CNNM1: variants seen among roughly 807,000 people sequenced by gnomAD.
CNNM1 encodes metal transporter CNNM1.
Under a neutral mutation model 78.8 loss-of-function variants are expected in CNNM1, and 44 were observed. The observed-to-expected ratio is 0.56, with a 90% CI of 0.44 to 0.72. CNNM1 has a LOEUF of 0.72. Ranked by LOEUF, CNNM1 falls within the 30% of genes least tolerant of loss-of-function variation. The pLI is 0.00. For synonymous variants in CNNM1, 584 were observed against 581.5 expected, an observed-to-expected ratio of 1.00 and a Z score of -0.06; for missense variants, 1,101 against 1,292.2, an observed-to-expected ratio of 0.85 and a Z score of 2.27.
At chr10:99,388,392 C>G in intron 9 of CNNM1, 91 bp downstream of exon 9, 2 of 1,454,630 alleles carry the variant, frequency 1.4e-6, no homozygotes, top group Non-Finnish European at 1.8e-6. Context: ...GAGGGGAGCC[C>G]TGGGACCGCA....
At chr10:99,356,265 C>T (rs1290595023) in intron 1 of CNNM1, among the ~76,000 whole-genome samples, 1 of 151,992 alleles carries the variant, frequency 6.6e-6, no homozygotes, top group African/African-American at 2.4e-5. Flanking sequence ...ACCATGAGGT[C>T]AAGAGATCGA....
chr10:99,388,447 G>A (rs2134084510), intron 9 of CNNM1, 146 bp downstream of exon 9: 1 of 923,328 alleles, frequency 1.1e-6, no homozygotes, highest in Middle Eastern at 3.5e-4. Context: ...CCAGGGAAAG[G>A]AAACATTTAC....
chr10:99,334,722 T>G (rs550262067), intron 1 of CNNM1, among the ~76,000 whole-genome samples: 4 of 152,296 alleles, frequency 2.6e-5, no homozygotes, highest in Admixed American at 6.5e-5. Flanking sequence ...TTTTCCTTAC[T>G]TCCTTGCTTC....
At chr10:99,377,372 T>TA in intron 7 of CNNM1, 154 bp downstream of exon 7, 1 of 678,072 alleles carries the variant, frequency 1.5e-6, no homozygotes. Flanking sequence ...ACTGGCTGTA[T>TA]AAAGGCTGTT....
chr10:99,341,230 G>A (rs2030445779), intron 1 of CNNM1, among the ~76,000 whole-genome samples: 3 of 152,068 alleles, frequency 2.0e-5, no homozygotes, highest in African/African-American at 7.3e-5. Flanking sequence ...AAGGCCCTGA[G>A]GAAGGAGGGC....
At chr10:99,348,285 G>C (rs1186836848) in intron 1 of CNNM1, among the ~76,000 whole-genome samples, 1 of 151,954 alleles carries the variant, frequency 6.6e-6, no homozygotes, top group Non-Finnish European at 1.5e-5. Context: ...GGCCCAAGCA[G>C]TCCTCCTGCC....
intron 1 of CNNM1, among the ~76,000 whole-genome samples, chr10:99,336,292 A>G (rs2030184328): frequency 6.6e-6 from 1 of 152,206 alleles, no homozygotes; most frequent in African/African-American, 2.4e-5. Context: ...TTGTGTTACA[A>G]TTACCTACAG....
At chr10:99,356,609 G>GAAAGAAAGAAAGAAAGAAAGA (rs2031219339) in intron 1 of CNNM1, among the ~76,000 whole-genome samples, 3 of 132,554 alleles carry the variant, frequency 2.3e-5, no homozygotes, top group Non-Finnish European at 1.6e-5. Context: ...AGAAAGAAAA[G>GAAAGAAAGAAAGAAAGAAAGA]AAAGAAAGAA....
rs1287330068 is a variant in CNNM1 at position 99,330,268 on chromosome 10, A to G, written c.881A>G (p.Asn294Ser). 1.9e-6 allele frequency: 3 copies of G among 1,561,498 alleles called. No homozygotes were observed. The highest frequency in any genetic ancestry group is 2.6e-6 in the Non-Finnish European group (3 of 1,153,922). ...CTLLLGQAGA[N>S]AALAGWLYTS... is the part of the protein sequence containing the mutation. ...CTACTCCTGGGCCAAGCCGGAGCCA[A>G]CGCGGCCCTGGCTGGCTGGCTGTAC... Residue 294 changes from asparagine to serine, a missense_variant, in exon 1 of 11, where the codon AAC (asparagine) becomes AGC (serine). Physicochemically the swap from Asn to Ser is conservative, Grantham distance 46 (BLOSUM62 1). Coordinates refer to ENST00000356713, the MANE Select transcript of CNNM1 (RefSeq NM_020348.3).
At chr10:99,390,848 C>T (rs1391788848) in intron 10 of CNNM1, among the ~76,000 whole-genome samples, 1 of 152,224 alleles carries the variant, frequency 6.6e-6, no homozygotes, top group Admixed American at 6.5e-5. Flanking sequence ...AGAGCAATCT[C>T]CTCCACAGAT....
At chr10:99,357,429 A>G in intron 1 of CNNM1, 83 bp from the exon 2 acceptor site, 1 of 1,432,456 alleles carries the variant, frequency 7.0e-7, no homozygotes, top group South Asian at 1.4e-5. Flanking sequence ...TTGGTCAGAC[A>G]GCAACTTTGT....
chr10:99,356,504 G>A lies in CNNM1; in HGVS notation c.1574-1008G>A, dbSNP rs10883334. The stretch of plus-strand genomic sequence containing the variant: ...AGAAAGAAAGAGAGAGAGAGAGAGA[G>A]AGAGAGAAAGAGAAAGAGAGAAAGA... On this transcript the variant is annotated intron_variant, in intron 1 of 10. Coordinates refer to ENST00000356713, the MANE Select transcript of CNNM1 (RefSeq NM_020348.3). 1.3e-3 allele frequency among the ~76,000 whole-genome samples: 117 copies of A among 92,968 alleles called. 1 individual carries two copies. The highest frequency in any genetic ancestry group is 9.2e-3 in the East Asian group (23 of 2,512). 61.0% of individuals were successfully genotyped at this position (92,968 alleles called of 152,430 possible).
rs751775737 is a variant in CNNM1 at position 99,364,469 on chromosome 10, C to G, written c.2081C>G (p.Ala694Gly). 1.9e-6 allele frequency: 3 copies of G among 1,612,610 alleles called. No homozygotes were observed. Among genetic ancestry groups the G allele is most frequent in the Non-Finnish European group, 2.5e-6 (3 of 1,179,454 alleles). ...GAAGGCCTTCGCTTTGAAAATGGAGCCTTTACTTACTATGGCGTCCCAGCC... is the reference window on the plus strand; with the variant it reads ...GAAGGCCTTCGCTTTGAAAATGGAGGCTTTACTTACTATGGCGTCCCAGCC... ...GKEGLRFENG[A>G]FTYYGVPAIM... Residue 694 changes from alanine to glycine, a missense_variant, in exon 5 of 11, where the codon GCC becomes GGC. Around this residue, in one of 3 missense-constraint regions of CNNM1, gnomAD observed 348 missense variants for 384.5 expected, o/e 0.90. Transcript: ENST00000356713.
At chr10:99,372,951 G>A (rs1417904985) in intron 6 of CNNM1, among the ~76,000 whole-genome samples, 4 of 151,808 alleles carry the variant, frequency 2.6e-5, no homozygotes, top group Non-Finnish European at 4.4e-5. Flanking sequence ...CAATAACATT[G>A]TTTTTACTTT....
intron 2 of CNNM1, among the ~76,000 whole-genome samples, chr10:99,359,659 G>T (rs2031357682): frequency 6.6e-6 from 1 of 152,156 alleles, no homozygotes; most frequent in African/African-American, 2.4e-5. Context: ...GCCCCAAAAG[G>T]AGAGGGGGCA....
intron 6 of CNNM1, among the ~76,000 whole-genome samples, chr10:99,374,285 G>A (rs1360217672): frequency 6.6e-6 from 1 of 152,158 alleles, no homozygotes; most frequent in African/African-American, 2.4e-5. Flanking sequence ...AGTCACTCTG[G>A]AGAAGGGTCT....
intron 9 of CNNM1, among the ~76,000 whole-genome samples, chr10:99,388,621 T>C (rs573424570): frequency 6.6e-6 from 1 of 152,238 alleles, no homozygotes; most frequent in African/African-American, 2.4e-5. Flanking sequence ...CAGTTTTTTT[T>C]ATCTGAATGG....
At chr10:99,361,391 GA>G (rs58454278) in intron 3 of CNNM1, among the ~76,000 whole-genome samples, 2 of 151,672 alleles carry the variant, frequency 1.3e-5, no homozygotes, top group South Asian at 2.1e-4. Flanking sequence ...TCTTTAGAAA[GA>G]AAAAAAAGTG....
At chr10:99,363,100 G>A (rs2031495006) in intron 4 of CNNM1, among the ~76,000 whole-genome samples, 2 of 152,188 alleles carry the variant, frequency 1.3e-5, no homozygotes, top group South Asian at 4.1e-4. Flanking sequence ...TTCACCATTA[G>A]CTCTGTCACT....
Sources: gnomAD v4.1 joint callset for allele counts (sites outside exome capture counted in the v4.1 genomes callset) on GRCh38, gnomAD v4.1.1 for gene constraint, gnomAD v4.1.1 regional missense constraint, MANE v1.5 for transcripts, NCBI Gene and HGNC (gene_info 2026-07-23, HGNC 2026-07-21) for gene names.